Variants in FXYD1 observed in about 807,000 individuals in gnomAD.
FXYD1 encodes the protein phospholemman.
FXYD1 carries 9 observed loss-of-function variants against 17.2 expected under a neutral mutation model. That is an observed-to-expected ratio of 0.52 (90% CI 0.32 to 0.91). The LOEUF (loss-of-function observed/expected upper bound fraction) is 0.91. Ranked by LOEUF, FXYD1 falls within the 40% of genes least tolerant of loss-of-function variation. The pLI, the probability that FXYD1 is intolerant of heterozygous loss-of-function variation, is 0.04. For missense variants in FXYD1, 113 were observed against 120.6 expected, an observed-to-expected ratio of 0.94 and a Z score of 0.29; for synonymous variants, 55 against 45.8, an observed-to-expected ratio of 1.20 and a Z score of -0.81.
In FXYD1 at chr19:35,139,803, G is replaced by A. The variant is rs143589422; in HGVS notation, c.-4-273G>A. 1,496 of 392,494 alleles carry A rather than the reference G, an allele frequency of 3.8e-3. 34 individuals are homozygous for A. Among genetic ancestry groups the A allele is most frequent in the South Asian group, 0.033 (1,059 of 31,634 alleles). 24.3% of individuals were successfully genotyped at this position (392,494 alleles called of 1,614,324 possible). On this transcript the variant is annotated intron_variant, in intron 1 of 7. Coordinates refer to ENST00000351325, the MANE Select transcript of FXYD1 (RefSeq NM_021902.4). ...GAATCGGGGGCCTGCTGCGGGAGGT[G>A]GAGGCCCAAGGGAGGCCCCCCGGGG...
intron 4 of FXYD1, 61 bp downstream of exon 4, chr19:35,141,267 C>T (rs2065250456): frequency 2.7e-6 from 1 of 364,528 alleles, no homozygotes; most frequent in Non-Finnish European, 4.3e-6. Context: ...TCTCTCTGGC[C>T]CCGCCTCTCC....
Position 35,141,694 on chromosome 19 carries a change from C to T in FXYD1, c.206+122C>T, listed in dbSNP as rs547404311. On this transcript the variant is annotated intron_variant, in intron 5 of 7. Transcript: ENST00000351325. Reference sequence around the variant, plus strand: ...TCAGCGACTATGTATTAAGCACCTACTATGTGCCATGGCCCAAGCCTGGCC... The same window carrying T: ...TCAGCGACTATGTATTAAGCACCTATTATGTGCCATGGCCCAAGCCTGGCC... The T allele has an allele frequency of 1.2e-5, 9 of 772,186 alleles. No individual in the cohort carries two copies. The East Asian group carries it at 2.3e-4, about 19-fold the overall frequency. 47.8% of individuals were successfully genotyped at this position (772,186 alleles called of 1,614,324 possible). A position where few individuals can be genotyped will look rare whatever the true frequency, so the allele number is the denominator to read the frequency against.
chr19:35,139,637 C>A (rs544133325), intron 1 of FXYD1: 1 of 170,306 alleles, frequency 5.9e-6, no homozygotes, highest in Admixed American at 5.9e-5. Flanking sequence ...AGCGGGCGGG[C>A]GGAGAGGGCA....
chr19:35,141,870 A>G (rs916677399), intron 5 of FXYD1, among the ~76,000 whole-genome samples: 3 of 152,266 alleles, frequency 2.0e-5, no homozygotes, highest in African/African-American at 7.2e-5. Flanking sequence ...CGGCGGTGAA[A>G]TGAGATCATC....
chr19:35,140,737 C>A (rs141628263), intron 3 of FXYD1, 108 bp downstream of exon 3: 1 of 855,860 alleles, frequency 1.2e-6, no homozygotes, highest in African/African-American at 1.7e-5. Context: ...CTCTGTCATT[C>A]TCCTTCCCTC....
intron 3 of FXYD1, 81 bp from the exon 4 acceptor site, chr19:35,141,051 T>G (rs2145383825): frequency 8.4e-6 from 7 of 830,756 alleles, no homozygotes; most frequent in Admixed American, 1.8e-5. Flanking sequence ...TTTCTCCCTG[T>G]TCCCTCCTTC....
At chr19:35,137,662 T>C (rs570841418), upstream of FXYD1, 2 of 152,756 alleles carry the variant, frequency 1.3e-5, no homozygotes, top group African/African-American at 4.8e-5. Flanking sequence ...AGTCTCGCTC[T>C]GTTGCCCAGG....
At chr19:35,139,367 C>T (rs1009233746) in intron 1 of FXYD1, 3 of 152,838 alleles carry the variant, frequency 2.0e-5, no homozygotes, top group Non-Finnish European at 4.4e-5. Context: ...TGTCACTTGC[C>T]TGACATCCGA....
In FXYD1 at chr19:35,141,112, C is replaced by T. The variant is rs75048566; in HGVS notation, c.95-20C>T. On this transcript the variant is annotated intron_variant, in intron 3 of 7. Transcript: ENST00000351325. ...CTCCTGTCTTCCCTGCCCTCACCTTCCCTGCTCTGCTGCTCACAGACTACC... is the reference window on the plus strand; with the variant it reads ...CTCCTGTCTTCCCTGCCCTCACCTTTCCTGCTCTGCTGCTCACAGACTACC... 0.029 allele frequency: 44,234 copies of T among 1,550,706 alleles called. 749 individuals carry two copies. Among genetic ancestry groups the T allele is most frequent in the Non-Finnish European group, 0.034 (37,938 of 1,122,974 alleles).
chr19:35,139,272 T>C (rs2065228529), intron 1 of FXYD1: 1 of 152,810 alleles, frequency 6.5e-6, no homozygotes, highest in Non-Finnish European at 1.5e-5. Context: ...TGTGTGTGTG[T>C]GTGTGTGTGT....
In FXYD1 at chr19:35,143,036, G is replaced by A. The variant is rs2065272301; in HGVS notation, c.*149G>A. On this transcript the variant is annotated 3_prime_UTR_variant, in exon 8 of 8. Transcript: ENST00000351325. This position sits in a 1 kb window ranked among gnomAD's most constrained non-coding sequence, Gnocchi z 4.3. ...CTGCCGCCAAGACTTCCAATAAAAC[G>A]TGCGTTCCTCTCGACAGCACTTTGT... The A allele has an allele frequency of 3.8e-6, 2 of 525,224 alleles. No individual in the cohort carries two copies. Among genetic ancestry groups the A allele is most frequent in the East Asian group, 3.5e-5 (1 of 28,340 alleles). The allele number at this position is 525,224 out of a possible 1,614,324, so 32.5% of individuals were successfully genotyped here.
At position 35,141,585 on chromosome 19, in the gene FXYD1, T is replaced by TCC. The variant is rs747762137; in HGVS notation, c.206+16_206+17dup. On this transcript the variant is annotated intron_variant, in intron 5 of 7. Coordinates refer to ENST00000351325, the MANE Select transcript of FXYD1 (RefSeq NM_021902.4). ...ACCAGCAGCAGAGGTAAGACGCCCC[T>TCC]CCCCGCCCTCCTTCGCCCGCTCCTG... 1 of 1,604,836 alleles carries TCC rather than the reference T, an allele frequency of 6.2e-7. No homozygotes were observed. The highest frequency in any genetic ancestry group is 1.7e-5 in the Admixed American group (1 of 59,496).
At chr19:35,140,770 TC>T in intron 3 of FXYD1, 141 bp downstream of exon 3, 1 of 673,174 alleles carries the variant, frequency 1.5e-6, no homozygotes, top group Non-Finnish European at 2.6e-6. Context: ...CCTCTCTGAT[TC>T]CACCTGTCTG....
rs2065237111 is a variant in FXYD1 at position 35,140,068 on chromosome 19, C to T, written c.-4-8C>T. The T allele has an allele frequency of 1.9e-6, 3 of 1,611,918 alleles. No individual in the cohort carries two copies. The highest frequency in any genetic ancestry group is 2.5e-6 in the Non-Finnish European group (3 of 1,178,058). On this transcript the variant is annotated splice_polypyrimidine_tract_variant and splice_region_variant and intron_variant, in intron 1 of 7. Coordinates refer to ENST00000351325, the MANE Select transcript of FXYD1 (RefSeq NM_021902.4). ...CACACACTGCCTAATCCGTGGTGTCCCCCCCAGGACAATGGCGTCTCTTGG... is the reference window on the plus strand; with the variant it reads ...CACACACTGCCTAATCCGTGGTGTCTCCCCCAGGACAATGGCGTCTCTTGG...
Position 35,142,921 on chromosome 19 carries a change from C to T in FXYD1, c.*34C>T. On this transcript the variant is annotated 3_prime_UTR_variant, in exon 8 of 8. Transcript: ENST00000351325. ...TCACCCTTTTCACCCTCACAGGACTCCCCTGGCACCTGACATCTCCCACGC... is the reference window on the plus strand; with the variant it reads ...TCACCCTTTTCACCCTCACAGGACTTCCCTGGCACCTGACATCTCCCACGC... 3.2e-6 allele frequency: 2 copies of T among 629,990 alleles called. No individual in the cohort carries two copies. The highest frequency in any genetic ancestry group is 4.2e-4 in the Middle Eastern group (1 of 2,402). 39.0% of individuals were successfully genotyped at this position (629,990 alleles called of 1,614,324 possible). A position where few individuals can be genotyped will look rare whatever the true frequency, so the allele number is the denominator to read the frequency against.
intron 3 of FXYD1, 113 bp downstream of exon 3, chr19:35,140,742 T>C (rs1242221301): frequency 1.1e-5 from 9 of 836,996 alleles, no homozygotes; most frequent in Non-Finnish European, 1.6e-5. Context: ...TCATTCTCCT[T>C]CCCTCTATTT....
At chr19:35,140,790 C>G in intron 3 of FXYD1, 161 bp downstream of exon 3, 1 of 636,584 alleles carries the variant, frequency 1.6e-6, no homozygotes, top group Non-Finnish European at 2.8e-6. Flanking sequence ...TGCATCTTTT[C>G]CTGTCTGTGT....
At chr19:35,141,329 TCCCGCCCCTCCCTGGCCCCGC>T in intron 4 of FXYD1, 123 bp downstream of exon 4, 1 of 382,612 alleles carries the variant, frequency 2.6e-6, no homozygotes, top group Non-Finnish European at 4.6e-6. Flanking sequence ...TTCTCCCTGG[TCCCGCCCCTCCCTGGCCCCGC>T]CCCGCCCCAA....
chr19:35,140,191 G>A (rs765946274), intron 2 of FXYD1, 51 bp downstream of exon 2: 2 of 1,100,694 alleles, frequency 1.8e-6, no homozygotes, highest in Admixed American at 1.7e-5. Context: ...AGGGGTGGCG[G>A]TGGGGACCGA....
Sources: allele counts gnomAD v4.1 joint callset (sites outside exome capture counted in the v4.1 genomes callset), GRCh38; gene constraint gnomAD v4.1.1; non-coding constraint Gnocchi (gnomAD v3.1); transcripts MANE v1.5; gene names NCBI Gene and HGNC (gene_info 2026-07-23, HGNC 2026-07-21).